Variants in WAC observed in about 807,000 individuals in gnomAD.
WAC encodes WW domain containing adaptor with coiled-coil.
A neutral mutation model predicts 79.6 loss-of-function variants in WAC; 11 were observed. That is an observed-to-expected ratio of 0.14 (90% CI 0.09 to 0.23). The LOEUF is 0.23. WAC is among the 10% of genes least tolerant of loss of function. The probability of loss-of-function intolerance (pLI) is 1.00; values close to 1 mark genes in which losing one functional copy is unlikely to be tolerated. For missense variants in WAC, 728 were observed against 773.5 expected, an observed-to-expected ratio of 0.94 and a Z score of 0.70; for synonymous variants, 304 against 276.9, an observed-to-expected ratio of 1.10 and a Z score of -0.97.
intron 7 of WAC, among the ~76,000 whole-genome samples, chr10:28,601,411 T>G (rs1840641537): frequency 6.6e-6 from 1 of 152,002 alleles, no homozygotes; most frequent in South Asian, 2.1e-4. Context: ...AAAATGGAAA[T>G]AGGTGTTTTG....
At chr10:28,556,690 TCA>T (rs1838016269) in intron 3 of WAC, among the ~76,000 whole-genome samples, 1 of 152,056 alleles carries the variant, frequency 6.6e-6, no homozygotes, top group South Asian at 2.1e-4. Flanking sequence ...TTCTACAGTC[TCA>T]GACCTTATAT....
chr10:28,564,230 A>G (rs1453160398), intron 3 of WAC, among the ~76,000 whole-genome samples: 4 of 152,228 alleles, frequency 2.6e-5, no homozygotes, highest in Non-Finnish European at 5.9e-5. Context: ...GTGCCACTGC[A>G]CGATAGAGCC....
chr10:28,533,589 T>C lies in WAC; in HGVS notation c.10T>C (p.Tyr4His), dbSNP rs1317156683. 1 of 1,586,002 alleles carries C rather than the reference T, an allele frequency of 6.3e-7. No individual in the cohort carries two copies. Among genetic ancestry groups the C allele is most frequent in the Admixed American group, 1.7e-5 (1 of 58,618 alleles). The stretch of plus-strand genomic sequence containing the variant: ...CACAGGCCGGGCATTGATGGTAATG[T>C]ATGCGAGGAAACAGCAGAGACTCAG... MVM[Y>H]ARKQQRLSDG... Residue 4 changes from tyrosine (Y) to histidine (H), a missense_variant, in exon 1 of 14, where the codon TAT (tyrosine) becomes CAT (histidine). By Grantham distance (83) the Tyr-to-His change is moderately conservative. This residue lies in a region of WAC where 648 missense variants were observed against 661.5 expected (regional missense o/e 0.98). Transcript: ENST00000354911.
intron 4 of WAC, chr10:28,588,811 ATGT>A (rs1387077681): frequency 1.3e-5 from 2 of 152,150 alleles, no homozygotes; most frequent in Non-Finnish European, 2.9e-5. Flanking sequence ...TATTTTTATA[ATGT>A]TCAAAAGAGT....
intron 3 of WAC, among the ~76,000 whole-genome samples, chr10:28,542,916 T>G (rs1837138974): frequency 6.6e-6 from 1 of 152,262 alleles, no homozygotes; most frequent in Non-Finnish European, 1.5e-5. Flanking sequence ...TTGTGGAATA[T>G]AAGCTCCACC....
chr10:28,552,370 A>G (rs1357216898), intron 3 of WAC, among the ~76,000 whole-genome samples: 1 of 152,104 alleles, frequency 6.6e-6, no homozygotes, highest in Non-Finnish European at 1.5e-5. Flanking sequence ...GGTAGTTTAT[A>G]TTTTGGTTTG....
At chr10:28,534,060 G>T in intron 2 of WAC, 26 bp downstream of exon 2, 1 of 1,566,890 alleles carries the variant, frequency 6.4e-7, no homozygotes, top group Non-Finnish European at 8.6e-7. Flanking sequence ...GGGGTGGAGG[G>T]ATTGGAAGGG....
At chr10:28,595,519 T>C (rs947427224) in intron 6 of WAC, among the ~76,000 whole-genome samples, 2 of 152,204 alleles carry the variant, frequency 1.3e-5, no homozygotes, top group Admixed American at 1.3e-4. Flanking sequence ...TGAATATTTA[T>C]AGTTGAGCAA....
chr10:28,622,669 G>T lies in WAC; in HGVS notation c.*3063G>T, dbSNP rs557402359. 14 of 152,018 alleles carry T rather than the reference G, an allele frequency of 9.2e-5. No individual in the cohort carries two copies. The highest frequency in any genetic ancestry group is 1.8e-4 in the Non-Finnish European group (12 of 68,008). 9.4% of individuals were successfully genotyped at this position (152,018 alleles called of 1,614,324 possible). A position where few individuals can be genotyped will look rare whatever the true frequency, so the allele number is the denominator to read the frequency against. On this transcript the variant is annotated 3_prime_UTR_variant, in exon 14 of 14. Coordinates refer to ENST00000354911, the MANE Select transcript of WAC (RefSeq NM_016628.5). ...ATGCTTCTTTTAACAGTCCAAATTA[G>T]TAGTTTTATTTTTCTTCTAAATCTT...
Position 28,590,710 on chromosome 10 carries a change from T to C in WAC, c.498-10T>C, listed in dbSNP as rs1840039849. The C allele has an allele frequency of 1.3e-6, 2 of 1,569,546 alleles. No homozygotes were observed. Among genetic ancestry groups the C allele is most frequent in the Non-Finnish European group, 1.7e-6 (2 of 1,159,726 alleles). Reference sequence around the variant, plus strand: ...AATTTTTATATGTTTATCTTTTTTTTTATTTTTAGAGAACAGAGACAAAAA... The same window carrying C: ...AATTTTTATATGTTTATCTTTTTTTCTATTTTTAGAGAACAGAGACAAAAA... On this transcript the variant is annotated splice_polypyrimidine_tract_variant and intron_variant, in intron 5 of 13. Transcript: ENST00000354911.
chr10:28,576,374 C>T lies in WAC; in HGVS notation c.275-7025C>T, dbSNP rs535761867. On this transcript the variant is annotated intron_variant, in intron 3 of 13. Coordinates refer to ENST00000354911, the MANE Select transcript of WAC (RefSeq NM_016628.5). ...GTGTTTCATCTAGCGTTTATCTCTG[C>T]CACTTCAATGTTTGAACCTGTCAAC... Among the ~76,000 whole-genome samples the T allele has an allele frequency of 5.9e-5, 9 of 152,178 alleles. No individual in the cohort carries two copies. The East Asian group carries it at 1.5e-3, about 26-fold the overall frequency.
rs1416710028 is a variant in WAC at position 28,608,211 on chromosome 10, A to G, written c.945A>G (p.Val315=). 6 of 1,614,066 alleles carry G rather than the reference A, an allele frequency of 3.7e-6. No homozygotes were observed. The East Asian group carries it at 8.9e-5, about 24-fold the overall frequency. ...AATCTACATCAGGAGACAAACCCGT[A>G]TCACATTCTTGCACAACTCCTTCCA... ...RKESTSGDKP[V]SHSCTTPSTS... is the part of the protein sequence containing the mutation. The change falls in exon 8 of 14, where the codon GTA becomes GTG. Residue 315 remains valine, a synonymous_variant. Transcript: ENST00000354911.
At chr10:28,600,119 G>GATTT (rs1840567520) in intron 7 of WAC, among the ~76,000 whole-genome samples, 1 of 152,072 alleles carries the variant, frequency 6.6e-6, no homozygotes. Context: ...TTAGAATTAT[G>GATTT]ATTTATTAGC....
chr10:28,543,947 T>C (rs1837203076), intron 3 of WAC, among the ~76,000 whole-genome samples: 1 of 152,212 alleles, frequency 6.6e-6, no homozygotes, highest in Admixed American at 6.5e-5. Context: ...TGGAGTGCAG[T>C]GGCGCAATCT....
At chr10:28,559,599 C>CA (rs1251393852) in intron 3 of WAC, among the ~76,000 whole-genome samples, 1 of 152,138 alleles carries the variant, frequency 6.6e-6, no homozygotes, top group African/African-American at 2.4e-5. Flanking sequence ...GACAAGGAAA[C>CA]AAGGAGTGGG....
chr10:28,572,566 T>A (rs902576157), intron 3 of WAC, among the ~76,000 whole-genome samples: 1 of 151,984 alleles, frequency 6.6e-6, no homozygotes, highest in African/African-American at 2.4e-5. Context: ...AATCCCACAC[T>A]TTGGGAGGTG....
rs375809688 is a variant in WAC at position 28,540,847 on chromosome 10, G to A, written c.274+5090G>A. On this transcript the variant is annotated intron_variant, in intron 3 of 13. Transcript: ENST00000354911. ...AGAGAAGTGGAATAAGATTGAAGGAGTAGCAGTCTTAATGTTTCAACTCTT... is the reference window on the plus strand; with the variant it reads ...AGAGAAGTGGAATAAGATTGAAGGAATAGCAGTCTTAATGTTTCAACTCTT... Among the ~76,000 whole-genome samples the A allele has an allele frequency of 5.3e-5, 8 of 152,190 alleles. 1 individual carries two copies. The East Asian group carries it at 1.3e-3, about 26-fold the overall frequency.
intron 3 of WAC, among the ~76,000 whole-genome samples, chr10:28,581,278 G>T (rs1839522421): frequency 2.9e-5 from 3 of 104,740 alleles, no homozygotes; most frequent in Admixed American, 1.4e-4. Context: ...TTTAAGACGG[G>T]TTCTCATTAT....
intron 3 of WAC, among the ~76,000 whole-genome samples, chr10:28,564,392 A>G (rs1438377142): frequency 6.6e-6 from 1 of 152,250 alleles, no homozygotes; most frequent in Non-Finnish European, 1.5e-5. Flanking sequence ...GACTGAAGTC[A>G]TAGAGATGGA....
Sources: gnomAD v4.1 joint callset for allele counts (sites outside exome capture counted in the v4.1 genomes callset) on GRCh38, gnomAD v4.1.1 for gene constraint, gnomAD v4.1.1 regional missense constraint, MANE v1.5 for transcripts, NCBI Gene and HGNC (gene_info 2026-07-23, HGNC 2026-07-21) for gene names.